The following SCO1 variants were observed in gnomAD, a reference collection of about 807,000 sequenced individuals.
SCO1 encodes the protein cytochrome c oxidase assembly factor SCO1.
A neutral mutation model predicts 34.0 loss-of-function variants in SCO1; 23 were observed. The ratio of observed to expected loss-of-function variants is 0.68; its 90% CI spans 0.49 to 0.96. The LOEUF (loss-of-function observed/expected upper bound fraction) is 0.96. Among genes scored for constraint, SCO1 ranks in the 40% least tolerant of loss-of-function variants. The probability of loss-of-function intolerance (pLI) is 0.00; values close to 1 mark genes in which losing one functional copy is unlikely to be tolerated. For missense variants in SCO1, 404 were observed against 381.6 expected (o/e 1.06, Z -0.49); for synonymous variants, 161 against 145.5 (o/e 1.11, Z -0.77).
intron 4 of SCO1, among the ~76,000 whole-genome samples, chr17:10,687,475 T>A (rs1259689183): frequency 6.6e-6 from 1 of 152,206 alleles, no homozygotes. Context: ...AACAACTGGA[T>A]TCATCAAACT....
In SCO1 at chr17:10,673,377, G is replaced by A. The variant is rs1278264252; in HGVS notation, c.*7742C>T. On this transcript the variant is annotated 3_prime_UTR_variant, in exon 6 of 6. Coordinates refer to ENST00000255390, the MANE Select transcript of SCO1 (RefSeq NM_004589.4). ...GTCGTCAATCAATCAGTGAATGACT[G>A]TCTTGTGCTGTGATCCCGCACGTTC... 6.6e-6 allele frequency: 1 copy of A among 152,146 alleles called. No homozygotes were observed. Among genetic ancestry groups the A allele is most frequent in the African/African-American group, 2.4e-5 (1 of 41,422 alleles). The allele number at this position is 152,146 out of a possible 1,614,324, so 9.4% of individuals were successfully genotyped here.
intron 5 of SCO1, 130 bp from the exon 6 acceptor site, chr17:10,681,383 T>C (rs2074621215): frequency 6.9e-6 from 7 of 1,013,520 alleles, no homozygotes; most frequent in Middle Eastern, 3.0e-4. Context: ...CTATTATTTA[T>C]GGAATAGGCT....
intron 5 of SCO1, chr17:10,683,801 C>A (rs1465505390): frequency 6.6e-6 from 1 of 151,774 alleles, no homozygotes; most frequent in Non-Finnish European, 1.5e-5. Context: ...ATTTGGTATA[C>A]CCAGTTCGAT....
Position 10,679,842 on chromosome 17 carries a change from T to G in SCO1, c.*1277A>C, listed in dbSNP as rs1369464058. ...CCAGGCTGGAATGCAGTGGTGTGAT[T>G]ATAGCTCACTGAAGCCTTGAATTCC... is the stretch of plus-strand genomic sequence containing the variant. On this transcript the variant is annotated 3_prime_UTR_variant, in exon 6 of 6. Transcript: ENST00000255390. 1.3e-5 allele frequency: 2 copies of G among 151,886 alleles called. No homozygotes were observed. The highest frequency in any genetic ancestry group is 2.9e-5 in the Non-Finnish European group (2 of 68,064). 9.4% of individuals were successfully genotyped at this position (151,886 alleles called of 1,614,324 possible). A position where few individuals can be genotyped will look rare whatever the true frequency, so the allele number is the denominator to read the frequency against.
rs569715834 is a variant in SCO1, at chr17:10,678,864, GT to G, written c.*2254del. 8,630 of 131,216 alleles carry G rather than the reference GT, an allele frequency of 0.066. 809 individuals carry two copies. The highest frequency in any genetic ancestry group is 0.25 in the African/African-American group (8,010 of 32,490). 8.1% of individuals were successfully genotyped at this position (131,216 alleles called of 1,614,324 possible). A position where few individuals can be genotyped will look rare whatever the true frequency, so the allele number is the denominator to read the frequency against. On this transcript the variant is annotated 3_prime_UTR_variant, in exon 6 of 6. Transcript: ENST00000255390. The stretch of plus-strand genomic sequence containing the variant: ...AAAAATCAAGGAGTCAGCAGGGTTT[GT>G]TTTTTTTTTTTTTTCTCACAACTTC...
At position 10,672,530 on chromosome 17, in the gene SCO1, G is replaced by A. The variant is rs564770976; in HGVS notation, c.*8589C>T. 6.6e-6 allele frequency: 1 copy of A among 152,094 alleles called. No individual in the cohort carries two copies. Among genetic ancestry groups the A allele is most frequent in the South Asian group, 2.1e-4 (1 of 4,818 alleles). The allele number at this position is 152,094 out of a possible 1,614,324, so 9.4% of individuals were successfully genotyped here. The stretch of plus-strand genomic sequence containing the variant: ...ATATTACAATTCACCCTTTTAAAGT[G>A]CGCAGTTCAGTGAGTTTTCACAGAT... On this transcript the variant is annotated 3_prime_UTR_variant, in exon 6 of 6. Transcript: ENST00000255390.
rs530338418 is a variant in SCO1, at chr17:10,676,361, G to A, written c.*4758C>T. On this transcript the variant is annotated 3_prime_UTR_variant, in exon 6 of 6. Transcript: ENST00000255390. ...CCGCCTTTGCTTCCCAAAGTACTGG[G>A]ATTACAGGCATGAGCCACCGTGCCC... 3.1e-4 allele frequency: 47 copies of A among 152,358 alleles called. No individual in the cohort carries two copies. The highest frequency in any genetic ancestry group is 1.1e-3 in the African/African-American group (45 of 41,558). The allele number at this position is 152,358 out of a possible 1,614,324, so 9.4% of individuals were successfully genotyped here.
Position 10,674,074 on chromosome 17 carries a change from TGAG to T in SCO1, c.*7042_*7044del, listed in dbSNP as rs986211263. 1 of 152,192 alleles carries T rather than the reference TGAG, an allele frequency of 6.6e-6. No individual in the cohort carries two copies. Among genetic ancestry groups the T allele is most frequent in the Non-Finnish European group, 1.5e-5 (1 of 68,062 alleles). The allele number at this position is 152,192 out of a possible 1,614,324, so 9.4% of individuals were successfully genotyped here. A position where few individuals can be genotyped will look rare whatever the true frequency, so the allele number is the denominator to read the frequency against. ...TAATAGACTCTGTGGTATTGGGGGT[TGAG>T]GAGAATCCATGTGCCTAAGACTGAG... On this transcript the variant is annotated 3_prime_UTR_variant, in exon 6 of 6. Transcript: ENST00000255390.
rs916018183 is a variant in SCO1 at position 10,676,840 on chromosome 17, A to C, written c.*4279T>G. The C allele has an allele frequency of 6.6e-6, 1 of 152,250 alleles. No individual in the cohort carries two copies. Among genetic ancestry groups the C allele is most frequent in the Non-Finnish European group, 1.5e-5 (1 of 68,042 alleles). The allele number at this position is 152,250 out of a possible 1,614,324, so 9.4% of individuals were successfully genotyped here. A position where few individuals can be genotyped will look rare whatever the true frequency, so the allele number is the denominator to read the frequency against. ...ATAGTATAATTACGGAAGAAGAGCC[A>C]ACAAACTTTCAAATACATTGGAAAA... On this transcript the variant is annotated 3_prime_UTR_variant, in exon 6 of 6. Coordinates refer to ENST00000255390, the MANE Select transcript of SCO1 (RefSeq NM_004589.4).
At position 10,695,762 on chromosome 17, in the gene SCO1, C is replaced by G. The variant is rs766825748; in HGVS notation, c.343G>C (p.Val115Leu). 1.2e-6 allele frequency: 2 copies of G among 1,612,892 alleles called. No individual in the cohort carries two copies. The highest frequency in any genetic ancestry group is 2.2e-5 in the East Asian group (1 of 44,836). The change falls in exon 2 of 6, where the codon GTC becomes CTC. Residue 115 changes from valine (V) to leucine (L), a missense_variant. Transcript: ENST00000255390. ...TTACTCTCTGCCTTTTCTTTCTTGA[C>G]GTGCTTCATTCCAGCCAGTAAAGCT... ...GGALLAGMKH[V>L]KKEKAEKLEK...
In SCO1 at chr17:10,686,395, C is replaced by T. The variant is rs192537564; in HGVS notation, c.771+332G>A. On this transcript the variant is annotated intron_variant, in intron 5 of 5. Coordinates refer to ENST00000255390, the MANE Select transcript of SCO1 (RefSeq NM_004589.4). ...AGGAGTTCGAGACCAGCCTGGCCAA[C>T]GTGGTGAAACCCCGTCTCTACCAAA... Among the ~76,000 whole-genome samples the T allele has an allele frequency of 3.5e-3, 528 of 151,908 alleles. 7 individuals carry two copies. The highest frequency in any genetic ancestry group is 0.012 in the African/African-American group (489 of 41,414).
chr17:10,685,511 A>C (rs531313020), intron 5 of SCO1, among the ~76,000 whole-genome samples: 1 of 152,352 alleles, frequency 6.6e-6, no homozygotes, highest in South Asian at 2.1e-4. Flanking sequence ...CTTCTGGGGC[A>C]GTGCTGATGA....
chr17:10,673,560 T>G lies in SCO1; in HGVS notation c.*7559A>C, dbSNP rs2074561025. 1 of 152,260 alleles carries G rather than the reference T, an allele frequency of 6.6e-6. No individual in the cohort carries two copies. The highest frequency in any genetic ancestry group is 1.5e-5 in the Non-Finnish European group (1 of 68,064). The allele number at this position is 152,260 out of a possible 1,614,324, so 9.4% of individuals were successfully genotyped here. A position where few individuals can be genotyped will look rare whatever the true frequency, so the allele number is the denominator to read the frequency against. On this transcript the variant is annotated 3_prime_UTR_variant, in exon 6 of 6. Coordinates refer to ENST00000255390, the MANE Select transcript of SCO1 (RefSeq NM_004589.4). ...TCTCTGCCCCACTTTCTTCTGTAACTAAGACGGCCTTAGCAGAGCCTGGGC... is the reference window on the plus strand; with the variant it reads ...TCTCTGCCCCACTTTCTTCTGTAACGAAGACGGCCTTAGCAGAGCCTGGGC...
intron 5 of SCO1, among the ~76,000 whole-genome samples, chr17:10,686,034 A>AC (rs1032343834): frequency 2.6e-5 from 4 of 151,732 alleles, no homozygotes; most frequent in Non-Finnish European, 4.4e-5. Flanking sequence ...GGAATTCGAG[A>AC]CCCCCTGGCC....
intron 1 of SCO1, among the ~76,000 whole-genome samples, chr17:10,696,078 A>AAAT (rs1364126910): frequency 6.7e-6 from 1 of 149,546 alleles, no homozygotes; most frequent in East Asian, 1.9e-4. Context: ...AAATAAAAAA[A>AAAT]AAAAAAAAAA....
At chr17:10,695,692 T>G (rs777570722) in intron 2 of SCO1, 49 bp downstream of exon 2, 1 of 1,338,700 alleles carries the variant, frequency 7.5e-7, no homozygotes, top group Non-Finnish European at 1.1e-6. Context: ...TGCTAGTCCA[T>G]AGCCAGGAAG....
In SCO1 at chr17:10,672,900, A is replaced by C. The variant is rs185678934; in HGVS notation, c.*8219T>G. The C allele has an allele frequency of 1.3e-5, 2 of 152,320 alleles. No homozygotes were observed. The highest frequency in any genetic ancestry group is 1.3e-4 in the Admixed American group (2 of 15,304). The allele number at this position is 152,320 out of a possible 1,614,324, so 9.4% of individuals were successfully genotyped here. A position where few individuals can be genotyped will look rare whatever the true frequency, so the allele number is the denominator to read the frequency against. On this transcript the variant is annotated 3_prime_UTR_variant, in exon 6 of 6. Transcript: ENST00000255390. Reference sequence around the variant, plus strand: ...TTGATTTTTGCATATTTACAACTGGATGCTGAGTAGATACATAAAACACTC... The same window carrying C: ...TTGATTTTTGCATATTTACAACTGGCTGCTGAGTAGATACATAAAACACTC...
At chr17:10,692,130 G>A (rs2074694342) in intron 3 of SCO1, among the ~76,000 whole-genome samples, 166 bp from the exon 4 acceptor site, 1 of 152,202 alleles carries the variant, frequency 6.6e-6, no homozygotes, top group Non-Finnish European at 1.5e-5. Flanking sequence ...AGGGGATGGA[G>A]AAGGGATGGC....
chr17:10,697,403 C>T lies in SCO1; in HGVS notation c.105G>A (p.Gly35=), dbSNP rs749925036. The change falls in exon 1 of 6, where the codon GGG becomes GGA. Residue 35 remains glycine, a synonymous_variant. Coordinates refer to ENST00000255390, the MANE Select transcript of SCO1 (RefSeq NM_004589.4). ...ACTGCCTCAGCAAGACTCTCGCAGT[C>T]CCCTCGGCTGGGCCCCAAAACTCGA... ...RGLEFWGPAE[G]TARVLLRQFC... is the part of the protein sequence containing the mutation. 2 of 1,607,394 alleles carry T rather than the reference C, an allele frequency of 1.2e-6. No individual in the cohort carries two copies. Among genetic ancestry groups the T allele is most frequent in the Non-Finnish European group, 1.7e-6 (2 of 1,177,034 alleles).
Sources: allele counts gnomAD v4.1 joint callset (sites outside exome capture counted in the v4.1 genomes callset), GRCh38; gene constraint gnomAD v4.1.1; transcripts MANE v1.5; gene names NCBI Gene and HGNC (gene_info 2026-07-23, HGNC 2026-07-21).